The following TTLL4 variants were observed in gnomAD, a reference collection of about 807,000 sequenced individuals.
TTLL4 encodes the protein tubulin monoglutamylase TTLL4.
TTLL4 carries 85 observed loss-of-function variants against 122.7 expected under a neutral mutation model. The ratio of observed to expected loss-of-function variants is 0.69; its 90% CI spans 0.58 to 0.83. The LOEUF is 0.83. Ranked by LOEUF, TTLL4 falls within the 40% of genes least tolerant of loss-of-function variation. The pLI is 0.00. For synonymous variants in TTLL4, 553 were observed against 563.0 expected (o/e 0.98, Z 0.25); for missense variants, 1,363 against 1,488.6 (o/e 0.92, Z 1.39).
chr2:218,725,095 A>G (rs1190770839), intron 1 of TTLL4, among the ~76,000 whole-genome samples: 2 of 151,954 alleles, frequency 1.3e-5, no homozygotes, highest in African/African-American at 4.8e-5. Context: ...ATTTGTAAAG[A>G]TGGGTCTTGC....
chr2:218,747,977 G>T lies in TTLL4; in HGVS notation c.2379-128G>T. The stretch of plus-strand genomic sequence containing the variant: ...ACTTTGCCAGTAGACACACTTCTCA[G>T]GCTCTTGTGGCTATGAAAAGATCTG... On this transcript the variant is annotated intron_variant, in intron 11 of 19. Coordinates refer to ENST00000392102, the MANE Select transcript of TTLL4 (RefSeq NM_014640.5). This position sits in a 1 kb window ranked among gnomAD's most constrained non-coding sequence, Gnocchi z 4.7. The T allele has an allele frequency of 7.5e-7, 1 of 1,334,766 alleles. No individual in the cohort carries two copies. 82.7% of individuals were successfully genotyped at this position (1,334,766 alleles called of 1,614,324 possible). A position where few individuals can be genotyped will look rare whatever the true frequency, so the allele number is the denominator to read the frequency against.
intron 12 of TTLL4, 53 bp from the exon 13 acceptor site, chr2:218,748,783 T>C (rs981165479): frequency 6.5e-7 from 1 of 1,532,898 alleles, no homozygotes; most frequent in Admixed American, 1.7e-5. Context: ...TCTTTGTCTT[T>C]GTCACTCATT....
downstream of TTLL4, among the ~76,000 whole-genome samples, chr2:218,759,482 T>C (rs1408700844): frequency 6.6e-6 from 1 of 152,256 alleles, no homozygotes; most frequent in Non-Finnish European, 1.5e-5. Flanking sequence ...AAAGACTGCA[T>C]GCTTTGTTAT....
intron 5 of TTLL4, 125 bp from the exon 6 acceptor site, chr2:218,744,984 C>T (rs2106447317): frequency 1.6e-6 from 2 of 1,283,194 alleles, no homozygotes; most frequent in Middle Eastern, 2.0e-4. Flanking sequence ...AATTATTGAG[C>T]ACCTGGCTTT....
At chr2:218,756,188 A>G (rs956415098), downstream of TTLL4, among the ~76,000 whole-genome samples, 6 of 152,138 alleles carry the variant, frequency 3.9e-5, no homozygotes, top group African/African-American at 1.4e-4. Context: ...GCAAGGACCT[A>G]GGCACGGAGT....
chr2:218,726,045 ATTTT>A (rs749760904), intron 1 of TTLL4, among the ~76,000 whole-genome samples: 28 of 151,282 alleles, frequency 1.9e-4, no homozygotes, highest in Admixed American at 4.0e-4. Context: ...TTGCATGTTA[ATTTT>A]TTTTTCCCCT....
rs1174737509 is a variant in TTLL4 at position 218,738,402 on chromosome 2, A to C, written c.726A>C (p.Val242=). Residue 242 remains valine (V), a synonymous_variant, in exon 3 of 20, where the codon GTA becomes GTC. Transcript: ENST00000392102. ...LLQTTQGLKP[V]SPPKIQPVSW... ...AGACCACACAGGGCCTGAAGCCAGT[A>C]TCGCCACCCAAGATCCAGCCTGTCT... 6 of 1,614,070 alleles carry C rather than the reference A, an allele frequency of 3.7e-6. No homozygotes were observed. The highest frequency in any genetic ancestry group is 5.1e-6 in the Non-Finnish European group (6 of 1,180,046).
chr2:218,745,063 T>G, intron 5 of TTLL4, 46 bp from the exon 6 acceptor site: 1 of 1,609,108 alleles, frequency 6.2e-7, no homozygotes, highest in Non-Finnish European at 8.5e-7. Context: ...GCTTCAGGGC[T>G]GTTGCTTTTT....
intron 1 of TTLL4, among the ~76,000 whole-genome samples, chr2:218,725,123 T>C (rs1230406855): frequency 2.0e-5 from 3 of 152,150 alleles, no homozygotes; most frequent in Admixed American, 2.0e-4. Flanking sequence ...CCCAGGCTGG[T>C]CTTGAACTCC....
chr2:218,747,694 T>C lies in TTLL4; in HGVS notation c.2347T>C (p.Ser783Pro), dbSNP rs754707180. The C allele has an allele frequency of 2.5e-6, 4 of 1,614,120 alleles. No homozygotes were observed. Among genetic ancestry groups the C allele is most frequent in the Non-Finnish European group, 3.4e-6 (4 of 1,180,054 alleles). ...SYDPLRIYLF[S>P]DGLVRFASCK... ...CGATCCTCTGCGGATTTACCTCTTT[T>C]CAGATGGACTGGTCCGCTTTGCCAG... Residue 783 changes from serine (S) to proline (P), a missense_variant, in exon 11 of 20, where the codon TCA becomes CCA. Coordinates refer to ENST00000392102, the MANE Select transcript of TTLL4 (RefSeq NM_014640.5). The surrounding 1 kb of genome is among the most constrained non-coding windows in gnomAD (Gnocchi z 4.7).
chr2:218,737,018 T>A (rs1344572439), intron 2 of TTLL4, among the ~76,000 whole-genome samples: 1 of 152,022 alleles, frequency 6.6e-6, no homozygotes, highest in Non-Finnish European at 1.5e-5. Flanking sequence ...CCTAGCTAAT[T>A]TTTGGTAGTG....
rs771090719 is a variant in TTLL4, at chr2:218,738,971, A to G, written c.1295A>G (p.Asn432Ser). The G allele has an allele frequency of 8.1e-6, 13 of 1,614,054 alleles. No individual in the cohort carries two copies. The highest frequency in any genetic ancestry group is 1.7e-5 in the Admixed American group (1 of 59,996). Residue 432 changes from asparagine (N) to serine (S), a missense_variant, in exon 3 of 20, where the codon AAT becomes AGT. Physicochemically the swap from Asn to Ser is conservative, Grantham distance 46 (BLOSUM62 1). This residue lies in a region of TTLL4 where 760 missense variants were observed against 808.4 expected (regional missense o/e 0.94). Coordinates refer to ENST00000392102, the MANE Select transcript of TTLL4 (RefSeq NM_014640.5). ...CTTGCCTCACATGCCAGTGGGCTCA[A>G]TCACAACCCTGCCTGTGAATCTGTA... ...HLLASHASGL[N>S]HNPACESVID...
chr2:218,747,224 T>C lies in TTLL4; in HGVS notation c.2166+30T>C. On this transcript the variant is annotated intron_variant, in intron 9 of 19. Coordinates refer to ENST00000392102, the MANE Select transcript of TTLL4 (RefSeq NM_014640.5). This position sits in a 1 kb window ranked among gnomAD's most constrained non-coding sequence, Gnocchi z 4.7. Reference sequence around the variant, plus strand: ...GTGAATCACAGTGGGCAGGAGACTATGGTCTGTGAGTGGGAACAACAGAGT... The same window carrying C: ...GTGAATCACAGTGGGCAGGAGACTACGGTCTGTGAGTGGGAACAACAGAGT... 6.2e-7 allele frequency: 1 copy of C among 1,614,130 alleles called. No individual in the cohort carries two copies. Among genetic ancestry groups the C allele is most frequent in the South Asian group, 1.1e-5 (1 of 91,080 alleles).
At chr2:218,758,088 T>C (rs4674334), downstream of TTLL4, among the ~76,000 whole-genome samples, 46,297 of 152,138 alleles carry the variant, frequency 0.3, 9,065 homozygotes, top group Non-Finnish European at 0.42. Flanking sequence ...TGCCAGCTCA[T>C]TTGGCTTGCC....
chr2:218,730,435 G>GA (rs769491663), intron 2 of TTLL4, among the ~76,000 whole-genome samples: 4 of 151,760 alleles, frequency 2.6e-5, no homozygotes, highest in Non-Finnish European at 4.4e-5. Flanking sequence ...TTGAACCTGG[G>GA]AGGGGGAGGT....
intron 7 of TTLL4, 128 bp downstream of exon 7, chr2:218,745,929 C>A: frequency 1.1e-6 from 1 of 915,498 alleles, no homozygotes. Flanking sequence ...AATCCAACCT[C>A]ATAGGAGGGT....
At chr2:218,735,415 T>G (rs1466564705) in intron 2 of TTLL4, among the ~76,000 whole-genome samples, 2 of 151,804 alleles carry the variant, frequency 1.3e-5, no homozygotes, top group African/African-American at 2.4e-5. Context: ...AATAAAAAAA[T>G]TTAAAAAAAT....
chr2:218,737,804 C>T lies in TTLL4; in HGVS notation c.128C>T (p.Pro43Leu). ...PEKPSEGRVWPQAHQQVKPIW... is the reference protein window; with the variant it reads ...PEKPSEGRVWLQAHQQVKPIW... The stretch of plus-strand genomic sequence containing the variant: ...AAACCCTCGGAGGGCAGAGTCTGGC[C>T]TCAGGCCCATCAGCAAGTGAAGCCA... The change falls in exon 3 of 20, where the codon CCT becomes CTT. Residue 43 changes from proline to leucine, a missense_variant. By Grantham distance (98) the Pro-to-Leu change is moderately conservative (BLOSUM62 -3). Transcript: ENST00000392102. The T allele has an allele frequency of 1.2e-6, 2 of 1,614,242 alleles. No individual in the cohort carries two copies. The highest frequency in any genetic ancestry group is 2.2e-5 in the South Asian group (2 of 91,090).
chr2:218,746,017 G>C, intron 7 of TTLL4, 138 bp from the exon 8 acceptor site: 1 of 1,023,348 alleles, frequency 9.8e-7, no homozygotes, highest in East Asian at 2.4e-5. Context: ...CTGGCCCCAG[G>C]GCCTCATGTA....
Sources: gnomAD v4.1 joint callset for allele counts (sites outside exome capture counted in the v4.1 genomes callset) on GRCh38, gnomAD v4.1.1 for gene constraint, gnomAD v4.1.1 regional missense constraint, Gnocchi (gnomAD v3.1) non-coding constraint, MANE v1.5 for transcripts, NCBI Gene and HGNC (gene_info 2026-07-23, HGNC 2026-07-21) for gene names.